STPG2: variants seen among roughly 807,000 people sequenced by gnomAD.
STPG2 encodes the protein sperm-tail PG-rich repeat-containing protein 2.
A neutral mutation model predicts 54.2 loss-of-function variants in STPG2; 56 were observed. That is an observed-to-expected ratio of 1.03 (90% CI 0.83 to 1.29). The LOEUF is 1.29. Ranked by LOEUF, STPG2 falls within the 50% of genes most tolerant of loss-of-function variation. STPG2 has a pLI of 0.00. For synonymous variants in STPG2, 200 were observed against 181.8 expected (o/e 1.10, Z -0.81); for missense variants, 596 against 544.9 (o/e 1.09, Z -0.93).
intron 8 of STPG2, among the ~76,000 whole-genome samples, chr4:97,902,854 T>C (rs917572379): frequency 9.2e-5 from 14 of 152,168 alleles, no homozygotes; most frequent in East Asian, 3.8e-4. Flanking sequence ...TCCATTTTCA[T>C]TGCAGCATTA....
intron 9 of STPG2, among the ~76,000 whole-genome samples, chr4:97,789,956 A>C (rs1271191702): frequency 1.3e-5 from 2 of 152,206 alleles, no homozygotes; most frequent in Non-Finnish European, 2.9e-5. Flanking sequence ...TCATTAAAGA[A>C]ATAACTGATA....
intron 10 of STPG2, among the ~76,000 whole-genome samples, chr4:97,616,057 A>AATATAT (rs70953077): frequency 0.029 from 1,066 of 37,252 alleles, 41 homozygotes; most frequent in Non-Finnish European, 0.035. Flanking sequence ...AATACATATA[A>AATATAT]ATATATATAT....
At chr4:98,096,794 T>G (rs923141717) in intron 5 of STPG2, among the ~76,000 whole-genome samples, 1 of 151,978 alleles carries the variant, frequency 6.6e-6, no homozygotes, top group Non-Finnish European at 1.5e-5. Flanking sequence ...TCAAAGATCA[T>G]GCAAAGGAAT....
At chr4:98,024,192 C>G (rs1250902427) in intron 5 of STPG2, among the ~76,000 whole-genome samples, 1 of 152,146 alleles carries the variant, frequency 6.6e-6, no homozygotes, top group African/African-American at 2.4e-5. Context: ...AACTTCTTTC[C>G]TTTATAAATT....
chr4:97,703,261 T>C (rs932676081), intron 10 of STPG2, among the ~76,000 whole-genome samples: 2 of 151,610 alleles, frequency 1.3e-5, no homozygotes, highest in African/African-American at 2.4e-5. Flanking sequence ...TCTAATCATA[T>C]TAAGCAGCCA....
chr4:97,632,902 C>T (rs114885462), intron 10 of STPG2, among the ~76,000 whole-genome samples: 1 of 152,000 alleles, frequency 6.6e-6, no homozygotes, highest in African/African-American at 2.4e-5. Context: ...AACAACAATT[C>T]AATTGGATGC....
intron 8 of STPG2, among the ~76,000 whole-genome samples, chr4:97,865,246 GA>G (rs1057317134): frequency 2.0e-5 from 3 of 151,694 alleles, no homozygotes; most frequent in African/African-American, 7.3e-5. Flanking sequence ...AAATTTACAA[GA>G]AAAAAACAAA....
chr4:97,667,712 T>C (rs1722571647), intron 10 of STPG2, among the ~76,000 whole-genome samples: 1 of 152,194 alleles, frequency 6.6e-6, no homozygotes, highest in Admixed American at 6.5e-5. Context: ...GGTATTTTGA[T>C]ACTATCATAC....
At chr4:98,009,107 T>C (rs1169732318) in intron 5 of STPG2, among the ~76,000 whole-genome samples, 3 of 152,062 alleles carry the variant, frequency 2.0e-5, no homozygotes, top group East Asian at 1.9e-4. Context: ...ATCCTTTCTA[T>C]TAATTTTCTA....
intron 8 of STPG2, among the ~76,000 whole-genome samples, chr4:97,863,695 C>G (rs1321832742): frequency 6.6e-6 from 1 of 152,034 alleles, no homozygotes; most frequent in Non-Finnish European, 1.5e-5. Flanking sequence ...CACAAAAATC[C>G]TCAATAAAAT....
chr4:97,939,487 G>T (rs76831676), intron 8 of STPG2, among the ~76,000 whole-genome samples: 1,554 of 152,204 alleles, frequency 0.01, 28 homozygotes, highest in African/African-American at 0.036. Context: ...AGTTCTCTTT[G>T]TTGGGTGCAT....
intron 10 of STPG2, among the ~76,000 whole-genome samples, chr4:97,671,248 C>T (rs963002837): frequency 1.3e-5 from 2 of 152,178 alleles, no homozygotes; most frequent in Non-Finnish European, 2.9e-5. Flanking sequence ...ACATATTTTG[C>T]TCTCCTAGTT....
intron 5 of STPG2, among the ~76,000 whole-genome samples, chr4:98,073,483 T>C (rs1578832542): frequency 6.6e-6 from 1 of 152,160 alleles, no homozygotes; most frequent in Non-Finnish European, 1.5e-5. Context: ...CCCAGCACTT[T>C]GGGAAGCCGA....
chr4:97,564,442 T>G (rs1732363349), intron 10 of STPG2, among the ~76,000 whole-genome samples: 2 of 146,676 alleles, frequency 1.4e-5, no homozygotes, highest in Non-Finnish European at 2.9e-5. Context: ...CATTTAAAGT[T>G]AATATTGTTA....
chr4:97,481,980 G>T (rs547907887), intron 4 of STPG2, among the ~76,000 whole-genome samples: 1 of 151,416 alleles, frequency 6.6e-6, no homozygotes, highest in African/African-American at 2.4e-5. Context: ...TAATCTTTTC[G>T]TATAAATCAT....
At chr4:98,091,754 T>C (rs1163075455) in intron 5 of STPG2, among the ~76,000 whole-genome samples, 1 of 152,062 alleles carries the variant, frequency 6.6e-6, no homozygotes, top group Non-Finnish European at 1.5e-5. Context: ...GACACTGTGT[T>C]AAGCATTGTG....
intron 10 of STPG2, among the ~76,000 whole-genome samples, chr4:97,692,972 C>G (rs538806338): frequency 6.6e-6 from 1 of 152,028 alleles, no homozygotes. Context: ...AGGAAAGATA[C>G]AATCTTTTTC....
At chr4:97,548,580 A>G (rs1285964396) in intron 4 of STPG2, among the ~76,000 whole-genome samples, 1 of 152,110 alleles carries the variant, frequency 6.6e-6, no homozygotes, top group African/African-American at 2.4e-5. Context: ...AGTATGAAAT[A>G]ATAAAACATC....
chr4:97,945,918 G>A (rs750172084), intron 7 of STPG2, among the ~76,000 whole-genome samples: 7 of 152,012 alleles, frequency 4.6e-5, no homozygotes, highest in Non-Finnish European at 1.0e-4. Flanking sequence ...AATTAGCTGA[G>A]TGTGGTGGCA....
Sources: gnomAD v4.1 joint callset for allele counts (sites outside exome capture counted in the v4.1 genomes callset) on GRCh38, gnomAD v4.1.1 for gene constraint, MANE v1.5 for transcripts, NCBI Gene and HGNC (gene_info 2026-07-23, HGNC 2026-07-21) for gene names.